TNFAIP8: variants seen among roughly 807,000 people sequenced by gnomAD.
TNFAIP8 encodes the protein TNF alpha induced protein 8, also known as tumor necrosis factor alpha-induced protein 8.
A neutral mutation model predicts 13.3 loss-of-function variants in TNFAIP8; 7 were observed. The observed-to-expected ratio is 0.52, with a 90% CI of 0.30 to 0.99. The LOEUF is 0.99. Among genes scored for constraint, TNFAIP8 ranks in the 50% least tolerant of loss-of-function variants. The pLI, the probability that TNFAIP8 is intolerant of heterozygous loss-of-function variation, is 0.07. For synonymous variants in TNFAIP8, 94 were observed against 87.6 expected, an observed-to-expected ratio of 1.07 and a Z score of -0.41; for missense variants, 258 against 236.9, an observed-to-expected ratio of 1.09 and a Z score of -0.58.
chr5:119,387,217 T>C (rs1299553245), intron 1 of TNFAIP8, among the ~76,000 whole-genome samples: 2 of 152,202 alleles, frequency 1.3e-5, no homozygotes, highest in African/African-American at 4.8e-5. Context: ...CTGGCCACTT[T>C]CTTATCACCA....
In TNFAIP8 at chr5:119,329,315, T is replaced by C. The variant is rs116253132; in HGVS notation, c.1+60408T>C. Among the ~76,000 whole-genome samples the C allele has an allele frequency of 9.6e-3, 1,458 of 152,318 alleles. 21 individuals carry two copies. The highest frequency in any genetic ancestry group is 0.03 in the African/African-American group (1,259 of 41,560). On this transcript the variant is annotated intron_variant, in intron 1 of 1. Coordinates refer to the TNFAIP8 transcript ENST00000274456. ...TTAAAACATAGAAACAAGTACTACATGATAAAAAGGCCTACCTTCCCACAC... is the reference window on the plus strand; with the variant it reads ...TTAAAACATAGAAACAAGTACTACACGATAAAAAGGCCTACCTTCCCACAC...
At chr5:119,363,532 T>C (rs970232253) in intron 1 of TNFAIP8, among the ~76,000 whole-genome samples, 7 of 152,220 alleles carry the variant, frequency 4.6e-5, no homozygotes, top group Non-Finnish European at 1.0e-4. Flanking sequence ...TACAGGCCTC[T>C]TCCTGTGGCA....
chr5:119,336,230 A>T (rs543246558), intron 1 of TNFAIP8, among the ~76,000 whole-genome samples: 1 of 152,224 alleles, frequency 6.6e-6, no homozygotes, highest in Non-Finnish European at 1.5e-5. Flanking sequence ...TACAAATGCA[A>T]CGTAGGCCAA....
intron 1 of TNFAIP8, among the ~76,000 whole-genome samples, chr5:119,332,306 T>G (rs574197340): frequency 6.6e-6 from 1 of 152,148 alleles, no homozygotes; most frequent in Admixed American, 6.5e-5. Flanking sequence ...TAAATCTTAA[T>G]AGCAATTCTG....
chr5:119,333,821 G>GGCTCCC (rs1407340409), intron 1 of TNFAIP8, among the ~76,000 whole-genome samples: 1 of 152,200 alleles, frequency 6.6e-6, no homozygotes, highest in African/African-American at 2.4e-5. Context: ...TGGGGAACCA[G>GGCTCCC]TGTTAAGCAG....
chr5:119,329,249 T>G (rs1750306114), intron 1 of TNFAIP8, among the ~76,000 whole-genome samples: 1 of 152,246 alleles, frequency 6.6e-6, no homozygotes, highest in African/African-American at 2.4e-5. Context: ...GAAGATAGTC[T>G]TCTTTTTTTG....
At chr5:119,337,952 G>A (rs1477930120) in intron 1 of TNFAIP8, among the ~76,000 whole-genome samples, 1 of 152,184 alleles carries the variant, frequency 6.6e-6, no homozygotes, top group Non-Finnish European at 1.5e-5. Context: ...TGGACTTTGA[G>A]CACATTCTAA....
At chr5:119,277,179 G>A (rs1459604174) in intron 1 of TNFAIP8, among the ~76,000 whole-genome samples, 1 of 152,136 alleles carries the variant, frequency 6.6e-6, no homozygotes, top group Admixed American at 6.5e-5. Context: ...TGCAACTGTG[G>A]AAACCGAGAC....
chr5:119,355,967 T>G, upstream of TNFAIP8: 1 of 1,482,858 alleles, frequency 6.7e-7, no homozygotes, highest in Non-Finnish European at 9.1e-7. Context: ...CGGGGAGGTT[T>G]TGATTTTAGT....
rs1753063171 is a variant in TNFAIP8, at chr5:119,395,955, A to G, written c.*2574A>G. 3 of 152,182 alleles carry G rather than the reference A, an allele frequency of 2.0e-5. No homozygotes were observed. Among genetic ancestry groups the G allele is most frequent in the Admixed American group, 1.3e-4 (2 of 15,278 alleles). 9.4% of individuals were successfully genotyped at this position (152,182 alleles called of 1,614,324 possible). ...TTCTCTGCAAAAATTATGAGTGGATATGATAAGTGGATGATAATACTAATG... is the reference window on the plus strand; with the variant it reads ...TTCTCTGCAAAAATTATGAGTGGATGTGATAAGTGGATGATAATACTAATG... On this transcript the variant is annotated 3_prime_UTR_variant, in exon 2 of 2. Transcript: ENST00000504771.
intron 1 of TNFAIP8, among the ~76,000 whole-genome samples, chr5:119,356,587 C>T (rs985807809): frequency 6.6e-6 from 1 of 151,512 alleles, no homozygotes; most frequent in African/African-American, 2.4e-5. Flanking sequence ...AAGCGAAAAT[C>T]TGTATTTGAG....
At chr5:119,276,120 T>G (rs1281775510) in intron 1 of TNFAIP8, among the ~76,000 whole-genome samples, 1 of 151,902 alleles carries the variant, frequency 6.6e-6, no homozygotes, top group Non-Finnish European at 1.5e-5. Flanking sequence ...TCTGTTTTTT[T>G]TTTTTTCTTT....
At chr5:119,328,676 A>T (rs996879139) in intron 1 of TNFAIP8, among the ~76,000 whole-genome samples, 2 of 152,204 alleles carry the variant, frequency 1.3e-5, no homozygotes, top group African/African-American at 4.8e-5. Flanking sequence ...CAGGTTGGTG[A>T]TGGAGGGAGG....
At chr5:119,355,378 T>A (rs1751347380), upstream of TNFAIP8, 1 of 702,468 alleles carries the variant, frequency 1.4e-6, no homozygotes, top group Admixed American at 2.0e-5. Flanking sequence ...CCCCGTCTGC[T>A]TTTGCTGTGC....
intron 1 of TNFAIP8, among the ~76,000 whole-genome samples, chr5:119,319,111 C>T (rs1014563398): frequency 3.3e-5 from 5 of 152,094 alleles, no homozygotes; most frequent in Non-Finnish European, 7.4e-5. Context: ...TTTATAATTG[C>T]ATTAAAAGTA....
chr5:119,385,440 C>G (rs1047441146), intron 1 of TNFAIP8, among the ~76,000 whole-genome samples: 1 of 152,126 alleles, frequency 6.6e-6, no homozygotes, highest in Non-Finnish European at 1.5e-5. Context: ...GCTGCTGTTG[C>G]ATAGCTTTTC....
intron 1 of TNFAIP8, among the ~76,000 whole-genome samples, chr5:119,332,554 T>C (rs1750419302): frequency 6.6e-6 from 1 of 152,090 alleles, no homozygotes; most frequent in Admixed American, 6.6e-5. Context: ...GAGAGTAAGA[T>C]AGATAAACAA....
upstream of TNFAIP8, chr5:119,355,092 C>G: frequency 1.9e-6 from 1 of 534,980 alleles, no homozygotes; most frequent in Admixed American, 3.3e-5. Flanking sequence ...GGGACTTCCT[C>G]TCAGCCAATT....
At chr5:119,370,642 A>G (rs1464114829) in intron 1 of TNFAIP8, among the ~76,000 whole-genome samples, 2 of 152,244 alleles carry the variant, frequency 1.3e-5, no homozygotes, top group Non-Finnish European at 2.9e-5. Flanking sequence ...GGGCCCAGAG[A>G]CAAAGGAATA....
Sources: gnomAD v4.1 joint callset for allele counts (sites outside exome capture counted in the v4.1 genomes callset) on GRCh38, gnomAD v4.1.1 for gene constraint, MANE v1.5 for transcripts, NCBI Gene and HGNC (gene_info 2026-07-23, HGNC 2026-07-21) for gene names.